OPCML: variants seen among roughly 807,000 people sequenced by gnomAD.
The protein encoded by OPCML is opioid binding protein/cell adhesion molecule like, also known as opioid-binding protein/cell adhesion molecule.
OPCML carries 13 observed loss-of-function variants against 37.8 expected under a neutral mutation model. That is an observed-to-expected ratio of 0.34 (90% CI 0.22 to 0.55). The LOEUF (loss-of-function observed/expected upper bound fraction) is 0.55, where lower values mean the gene tolerates loss of function less well. OPCML is among the 20% of genes least tolerant of loss of function. OPCML has a pLI of 0.91. For synonymous variants in OPCML, 176 were observed against 168.8 expected (o/e 1.04, Z -0.33); for missense variants, 341 against 435.6 (o/e 0.78, Z 1.93).
intron 1 of OPCML, among the ~76,000 whole-genome samples, chr11:133,153,405 C>G (rs115946699): frequency 2.0e-5 from 3 of 152,186 alleles, no homozygotes; most frequent in African/African-American, 2.4e-5. Flanking sequence ...GCTCAGGCAT[C>G]GCTCAGCTAT....
chr11:133,377,308 G>A (rs1343242053), intron 1 of OPCML, among the ~76,000 whole-genome samples: 1 of 152,138 alleles, frequency 6.6e-6, no homozygotes, highest in Non-Finnish European at 1.5e-5. Flanking sequence ...GCTGATGGTT[G>A]TCTCTCAGCT....
intron 4 of OPCML, among the ~76,000 whole-genome samples, chr11:132,520,672 A>ATGTGTG (rs1435561380): frequency 7.3e-5 from 3 of 41,066 alleles, no homozygotes; most frequent in African/African-American, 2.0e-4. Context: ...AACTAAATAT[A>ATGTGTG]TATGTGTGTG....
At chr11:132,582,178 G>C (rs914711287) in intron 3 of OPCML, among the ~76,000 whole-genome samples, 4 of 150,978 alleles carry the variant, frequency 2.6e-5, no homozygotes, top group African/African-American at 9.8e-5. Flanking sequence ...GCCTGCAAAA[G>C]ACAAAGGATC....
chr11:132,427,738 G>A (rs2095982430), intron 7 of OPCML, among the ~76,000 whole-genome samples: 1 of 152,206 alleles, frequency 6.6e-6, no homozygotes, highest in Non-Finnish European at 1.5e-5. Context: ...GCTGACATCA[G>A]CACACCCTGA....
At chr11:132,683,157 G>A (rs1178738874) in intron 2 of OPCML, among the ~76,000 whole-genome samples, 2 of 152,138 alleles carry the variant, frequency 1.3e-5, no homozygotes, top group African/African-American at 2.4e-5. Context: ...GCTCACACCC[G>A]TAATCCCAAT....
intron 1 of OPCML, among the ~76,000 whole-genome samples, chr11:133,171,124 G>T (rs1950283159): frequency 6.6e-6 from 1 of 152,184 alleles, no homozygotes; most frequent in Non-Finnish European, 1.5e-5. Context: ...AGTGAGGCTG[G>T]CCCTATACCT....
chr11:132,922,811 G>A (rs1312697167), intron 2 of OPCML, among the ~76,000 whole-genome samples: 7 of 152,106 alleles, frequency 4.6e-5, no homozygotes, highest in African/African-American at 1.2e-4. Flanking sequence ...AGTGGCTCAC[G>A]TCTGTAATCC....
chr11:133,460,317 G>GA (rs796750982), intron 1 of OPCML, among the ~76,000 whole-genome samples: 11 of 151,570 alleles, frequency 7.3e-5, no homozygotes, highest in African/African-American at 2.7e-4. Flanking sequence ...GGAAACTAAG[G>GA]AAAAAAGAGT....
At chr11:132,948,065 T>A (rs1945784089) in intron 1 of OPCML, among the ~76,000 whole-genome samples, 1 of 152,240 alleles carries the variant, frequency 6.6e-6, no homozygotes, top group African/African-American at 2.4e-5. Flanking sequence ...TCTCTCTAGC[T>A]GCCTGGCTGG....
chr11:133,492,922 T>C (rs4937780), intron 1 of OPCML, among the ~76,000 whole-genome samples: 1 of 151,898 alleles, frequency 6.6e-6, no homozygotes, highest in Non-Finnish European at 1.5e-5. Context: ...TAAAACAGGA[T>C]AGAAAGGCAC....
At chr11:133,467,601 G>A (rs781163362) in intron 1 of OPCML, among the ~76,000 whole-genome samples, 3 of 152,150 alleles carry the variant, frequency 2.0e-5, no homozygotes, top group Non-Finnish European at 4.4e-5. Context: ...GAATTATTGA[G>A]TACCTCCCTC....
intron 1 of OPCML, among the ~76,000 whole-genome samples, chr11:133,495,022 T>C (rs1198200710): frequency 6.6e-6 from 1 of 152,036 alleles, no homozygotes; most frequent in Non-Finnish European, 1.5e-5. Flanking sequence ...CAGTATATGC[T>C]GTACCATATT....
Position 132,818,551 on chromosome 11 carries a change from G to A in OPCML, c.146+124375C>T, listed in dbSNP as rs550256477. Among the ~76,000 whole-genome samples, 108 of 149,886 alleles carry A rather than the reference G, an allele frequency of 7.2e-4. 1 individual carries two copies. The highest frequency in any genetic ancestry group is 2.3e-3 in the African/African-American group (95 of 40,788). On this transcript the variant is annotated intron_variant, in intron 2 of 7. Transcript: ENST00000524381. ...AGACTTGGACTTGCCAGTCTTGCTC[G>A]CCGTGTGAGCCAATTCCCTAAAACC...
chr11:133,116,213 C>G (rs947052557), intron 1 of OPCML, among the ~76,000 whole-genome samples: 3 of 152,136 alleles, frequency 2.0e-5, no homozygotes, highest in African/African-American at 4.8e-5. Flanking sequence ...GTGATACACC[C>G]GCCTCGGCCT....
chr11:133,064,016 TTTTC>T (rs55825694), intron 1 of OPCML, among the ~76,000 whole-genome samples: 3,695 of 152,096 alleles, frequency 0.024, 51 homozygotes, highest in African/African-American at 0.033. Flanking sequence ...ATGGCTTTAA[TTTTC>T]TTTCTTTCTT....
chr11:133,447,024 T>C (rs1946487196), intron 1 of OPCML, among the ~76,000 whole-genome samples: 1 of 152,220 alleles, frequency 6.6e-6, no homozygotes, highest in African/African-American at 2.4e-5. Flanking sequence ...AGACATATCT[T>C]TTCATTTATC....
chr11:132,983,962 T>C (rs1946639305), intron 1 of OPCML, among the ~76,000 whole-genome samples: 1 of 152,206 alleles, frequency 6.6e-6, no homozygotes, highest in South Asian at 2.1e-4. Context: ...TCCATTGAGT[T>C]TACTATTGTC....
intron 2 of OPCML, among the ~76,000 whole-genome samples, chr11:132,744,342 T>C (rs905508311): frequency 3.9e-5 from 6 of 152,206 alleles, no homozygotes; most frequent in African/African-American, 1.4e-4. Flanking sequence ...CTCATTACTT[T>C]TGTTTTGAAA....
chr11:133,409,597 C>T (rs1007421039), intron 1 of OPCML, among the ~76,000 whole-genome samples: 7 of 152,086 alleles, frequency 4.6e-5, no homozygotes, highest in African/African-American at 1.2e-4. Context: ...TTCTACCAAC[C>T]GTAACAGCTG....
Sources: gnomAD v4.1 joint callset for allele counts (sites outside exome capture counted in the v4.1 genomes callset) on GRCh38, gnomAD v4.1.1 for gene constraint, MANE v1.5 for transcripts, NCBI Gene and HGNC (gene_info 2026-07-23, HGNC 2026-07-21) for gene names.